Variants in STOML3 observed in about 807,000 individuals in gnomAD.
STOML3 encodes the protein stomatin like 3, also known as stomatin-like protein 3.
Under a neutral mutation model 29.5 loss-of-function variants are expected in STOML3, and 31 were observed. That is an observed-to-expected ratio of 1.05 (90% confidence interval 0.79 to 1.42). The LOEUF (loss-of-function observed/expected upper bound fraction) is 1.42. Ranked by LOEUF, STOML3 falls within the 40% of genes most tolerant of loss-of-function variation. The pLI, the probability that STOML3 is intolerant of heterozygous loss-of-function variation, is 0.00. For missense variants in STOML3, 380 were observed against 363.0 expected, an observed-to-expected ratio of 1.05 and a Z score of -0.38; for synonymous variants, 122 against 139.8, an observed-to-expected ratio of 0.87 and a Z score of 0.90.
chr13:38,966,589 A>G lies in STOML3; in HGVS notation c.*236T>C. 3.0e-6 allele frequency: 1 copy of G among 338,264 alleles called. No homozygotes were observed. Among genetic ancestry groups the G allele is most frequent in the Admixed American group, 4.4e-5 (1 of 22,570 alleles). The allele number at this position is 338,264 out of a possible 1,614,324, so 21.0% of individuals were successfully genotyped here. A position where few individuals can be genotyped will look rare whatever the true frequency, so the allele number is the denominator to read the frequency against. On this transcript the variant is annotated 3_prime_UTR_variant, in exon 7 of 7. Transcript: ENST00000379631. ...TCGGAGACCACCACTAATTAATTATATAAGAATATTACAAAGTTGATTATG... is the reference window on the plus strand; with the variant it reads ...TCGGAGACCACCACTAATTAATTATGTAAGAATATTACAAAGTTGATTATG...
intron 1 of STOML3, among the ~76,000 whole-genome samples, chr13:38,985,948 C>T (rs1322825799): frequency 2.8e-5 from 2 of 71,146 alleles, no homozygotes; most frequent in Non-Finnish European, 2.5e-5. Context: ...GAGAGAGAGT[C>T]TTGCTCTTTC....
In STOML3 at chr13:38,966,856, T is replaced by C; in HGVS notation, c.845A>G (p.Asp282Gly). ...TTTATTTGGAAGCTTCTTGTGGTTATCATAGCTGACGCCACCAATGCCCTC... is the reference window on the plus strand; with the variant it reads ...TTTATTTGGAAGCTTCTTGTGGTTACCATAGCTGACGCCACCAATGCCCTC... ...ILEGIGGVSY[D>G]NHKKLPNKA The change falls in exon 7 of 7, where the codon GAT becomes GGT. Residue 282 changes from aspartate to glycine, a missense_variant. Physicochemically the swap from Asp to Gly is moderately conservative, Grantham distance 94 (BLOSUM62 -1). Transcript: ENST00000379631. 1 of 1,613,704 alleles carries C rather than the reference T, an allele frequency of 6.2e-7. No individual in the cohort carries two copies.
intron 5 of STOML3, among the ~76,000 whole-genome samples, chr13:38,969,589 G>C (rs1475548884): frequency 6.6e-6 from 1 of 152,176 alleles, no homozygotes; most frequent in African/African-American, 2.4e-5. Flanking sequence ...CTTACAGAAA[G>C]GAAGCTCAGA....
intron 1 of STOML3, among the ~76,000 whole-genome samples, chr13:38,977,580 G>A (rs1881125195): frequency 6.6e-6 from 1 of 151,926 alleles, no homozygotes; most frequent in African/African-American, 2.4e-5. Flanking sequence ...TGTTATGTTG[G>A]CTCATCACAT....
Position 38,970,263 on chromosome 13 carries a change from G to T in STOML3, c.438C>A (p.Thr146=), listed in dbSNP as rs963112625. 13 of 1,614,068 alleles carry T rather than the reference G, an allele frequency of 8.1e-6. No individual in the cohort carries two copies. The highest frequency in any genetic ancestry group is 9.3e-6 in the Non-Finnish European group (11 of 1,180,034). ...GTGTCCCTAAGACATTTCTCAGAGT[G>T]GTTTGAGCCAGCAGAAATGTTGCTT... ...VHQATFLLAQ[T]TLRNVLGTQT... The change falls in exon 5 of 7, where the codon ACC becomes ACA. Residue 146 remains threonine (T), a synonymous_variant. Coordinates refer to ENST00000379631, the MANE Select transcript of STOML3 (RefSeq NM_145286.3).
intron 1 of STOML3, among the ~76,000 whole-genome samples, chr13:38,982,205 T>A (rs1284736743): frequency 6.6e-6 from 1 of 152,030 alleles, no homozygotes. Flanking sequence ...TTCCTGACCC[T>A]AGGCCCCTAA....
At chr13:38,977,424 C>T (rs1357099957) in intron 1 of STOML3, among the ~76,000 whole-genome samples, 1 of 152,160 alleles carries the variant, frequency 6.6e-6, no homozygotes, top group Non-Finnish European at 1.5e-5. Flanking sequence ...AATAAGATTA[C>T]TTTTATATGG....
chr13:38,984,358 C>T (rs1292937653), intron 1 of STOML3, among the ~76,000 whole-genome samples: 1 of 152,150 alleles, frequency 6.6e-6, no homozygotes, highest in Non-Finnish European at 1.5e-5. Flanking sequence ...CTCAAACATC[C>T]CCTTCTTTTC....
In STOML3 at chr13:38,972,493, T is replaced by C; in HGVS notation, c.312+19A>G. On this transcript the variant is annotated intron_variant, in intron 4 of 6. Transcript: ENST00000379631. ...AATACAAGTTTAATTTCGAGTGACA[T>C]ATCCTTAATCAGTACTACCTCTTGT... 6.2e-7 allele frequency: 1 copy of C among 1,606,346 alleles called. No individual in the cohort carries two copies. The highest frequency in any genetic ancestry group is 2.2e-5 in the East Asian group (1 of 44,798).
intron 4 of STOML3, among the ~76,000 whole-genome samples, chr13:38,971,659 A>C (rs1880871057): frequency 6.6e-6 from 1 of 152,222 alleles, no homozygotes; most frequent in Non-Finnish European, 1.5e-5. Flanking sequence ...GCAGTGGCTC[A>C]GGCCTTTTAT....
intron 1 of STOML3, among the ~76,000 whole-genome samples, chr13:38,989,998 G>C (rs1868935962): frequency 6.6e-6 from 1 of 151,878 alleles, no homozygotes; most frequent in South Asian, 2.1e-4. Flanking sequence ...CCAATGCTCA[G>C]TTTTCTCATT....
chr13:38,966,762 A>T lies in STOML3; in HGVS notation c.*63T>A. On this transcript the variant is annotated 3_prime_UTR_variant, in exon 7 of 7. Transcript: ENST00000379631. ...GTTGGAATTCTCACCGTTTCTAACT[A>T]CTGGCTTCTCCATAGGAATAGACAC... The T allele has an allele frequency of 7.4e-7, 1 of 1,354,962 alleles. No homozygotes were observed. The highest frequency in any genetic ancestry group is 1.0e-6 in the Non-Finnish European group (1 of 956,346). 83.9% of individuals were successfully genotyped at this position (1,354,962 alleles called of 1,614,324 possible). A position where few individuals can be genotyped will look rare whatever the true frequency, so the allele number is the denominator to read the frequency against.
intron 1 of STOML3, among the ~76,000 whole-genome samples, chr13:38,984,073 A>G (rs940848367): frequency 1.3e-5 from 2 of 151,964 alleles, no homozygotes; most frequent in Admixed American, 6.6e-5. Context: ...ACCCCAACAC[A>G]GCCACAACCA....
At position 38,966,672 on chromosome 13, in the gene STOML3, A is replaced by G. The variant is rs1880656037; in HGVS notation, c.*153T>C. On this transcript the variant is annotated 3_prime_UTR_variant, in exon 7 of 7. Coordinates refer to ENST00000379631, the MANE Select transcript of STOML3 (RefSeq NM_145286.3). ...TTTTTGCTCTTTTTTTCTTCTCTGT[A>G]TAGCCTCTAGAGCTTTTTCCTGCCA... 1.5e-6 allele frequency: 1 copy of G among 653,776 alleles called. No individual in the cohort carries two copies. Among genetic ancestry groups the G allele is most frequent in the Non-Finnish European group, 2.6e-6 (1 of 379,572 alleles). 40.5% of individuals were successfully genotyped at this position (653,776 alleles called of 1,614,324 possible). A position where few individuals can be genotyped will look rare whatever the true frequency, so the allele number is the denominator to read the frequency against.
At chr13:38,967,541 A>G (rs1423039082) in intron 6 of STOML3, among the ~76,000 whole-genome samples, 1 of 152,190 alleles carries the variant, frequency 6.6e-6, no homozygotes, top group African/African-American at 2.4e-5. Flanking sequence ...TACAAGCAGC[A>G]ATAAGTGCCA....
In STOML3 at chr13:38,972,390, C is replaced by T. The variant is rs114235283; in HGVS notation, c.312+122G>A. The T allele has an allele frequency of 2.6e-4, 234 of 897,732 alleles. No individual in the cohort carries two copies. The African/African-American group carries it at 3.0e-3, about 12-fold the overall frequency. The allele number at this position is 897,732 out of a possible 1,614,324, so 55.6% of individuals were successfully genotyped here. Reference sequence around the variant, plus strand: ...AAGGAAGGGCAATTCAAGCAGGTCTCTGCGGGTACTCAGCTCATCTTCCCT... The same window carrying T: ...AAGGAAGGGCAATTCAAGCAGGTCTTTGCGGGTACTCAGCTCATCTTCCCT... On this transcript the variant is annotated intron_variant, in intron 4 of 6. Transcript: ENST00000379631.
chr13:38,977,715 A>G (rs1881129026), intron 1 of STOML3, among the ~76,000 whole-genome samples: 1 of 145,082 alleles, frequency 6.9e-6, no homozygotes, highest in African/African-American at 2.5e-5. Flanking sequence ...CTGTAGCTTT[A>G]CTTACATCAA....
chr13:38,968,629 T>G, intron 5 of STOML3, 95 bp from the exon 6 acceptor site: 1 of 1,467,760 alleles, frequency 6.8e-7, no homozygotes, highest in Non-Finnish European at 9.2e-7. Flanking sequence ...CATTTTTCTT[T>G]TTTTTCTTTT....
intron 6 of STOML3, 100 bp downstream of exon 6, chr13:38,968,300 T>G: frequency 2.0e-6 from 3 of 1,492,762 alleles, no homozygotes. Context: ...CCCTTTCTCA[T>G]GCAAATAATT....
Sources: gnomAD v4.1 joint callset for allele counts (sites outside exome capture counted in the v4.1 genomes callset) on GRCh38, gnomAD v4.1.1 for gene constraint, MANE v1.5 for transcripts, NCBI Gene and HGNC (gene_info 2026-07-23, HGNC 2026-07-21) for gene names.